MYSM1: variants seen among roughly 807,000 people sequenced by gnomAD.
MYSM1 encodes Myb like, SWIRM and MPN domains 1, also known as deubiquitinase MYSM1.
Under a neutral mutation model 116.0 loss-of-function variants are expected in MYSM1, and 51 were observed. The ratio of observed to expected loss-of-function variants is 0.44; its 90% CI spans 0.35 to 0.56. The LOEUF (loss-of-function observed/expected upper bound fraction) is 0.56. Among genes scored for constraint, MYSM1 ranks in the 20% least tolerant of loss-of-function variants. The pLI is 0.00. For synonymous variants in MYSM1, 313 were observed against 315.2 expected, an observed-to-expected ratio of 0.99 and a Z score of 0.07; for missense variants, 900 against 974.9, an observed-to-expected ratio of 0.92 and a Z score of 1.02.
intron 9 of MYSM1, among the ~76,000 whole-genome samples, chr1:58,676,317 G>A (rs772602580): frequency 2.0e-5 from 3 of 150,802 alleles, no homozygotes; most frequent in Non-Finnish European, 4.4e-5. Flanking sequence ...TCTGGAGACC[G>A]AAGCAAAAGA....
Position 58,669,013 on chromosome 1 carries a change from G to T in MYSM1, c.1687C>A (p.Pro563Thr), listed in dbSNP as rs759424002. Residue 563 changes from proline (P) to threonine (T), a missense_variant, in exon 13 of 20, where the codon CCT becomes ACT. Physicochemically the swap from Pro to Thr is conservative, Grantham distance 38. Coordinates refer to ENST00000472487, the MANE Select transcript of MYSM1 (RefSeq NM_001085487.3). ...KSSFDPFQLIPCNFFSEEKQE... is the reference protein window; with the variant it reads ...KSSFDPFQLITCNFFSEEKQE... ...TTTTCTTCACTAAAAAAATTACAAG[G>T]TATCAGTTGGAAGGGATCAAACGAG... 5.6e-6 allele frequency: 9 copies of T among 1,601,946 alleles called. No individual in the cohort carries two copies. In the East Asian group the frequency reaches 1.8e-4, roughly 32 times the overall value.
At chr1:58,698,102 A>ATATATATATATTTTTTT in intron 1 of MYSM1, among the ~76,000 whole-genome samples, 2 of 7,770 alleles carry the variant, frequency 2.6e-4, no homozygotes, top group Non-Finnish European at 3.6e-4. Context: ...ATATATATAT[A>ATATATATATATTTTTTT]TTTTTTTTTT....
chr1:58,678,183 G>A (rs1218501400), intron 8 of MYSM1, among the ~76,000 whole-genome samples: 1 of 152,160 alleles, frequency 6.6e-6, no homozygotes, highest in East Asian at 1.9e-4. Flanking sequence ...GATAGATAGG[G>A]TGCTTAGGCT....
At chr1:58,660,208 G>T in intron 19 of MYSM1, 53 bp from the exon 20 acceptor site, 1 of 1,195,688 alleles carries the variant, frequency 8.4e-7, no homozygotes. Context: ...ATGAGGGTTT[G>T]CATTACTATC....
At chr1:58,669,606 C>T (rs1644525383) in intron 12 of MYSM1, among the ~76,000 whole-genome samples, 1 of 151,702 alleles carries the variant, frequency 6.6e-6, no homozygotes, top group Admixed American at 6.6e-5. Flanking sequence ...GTGGGCAGAC[C>T]CCTTGAGCCT....
chr1:58,662,166 T>C (rs1034973698), intron 17 of MYSM1, among the ~76,000 whole-genome samples: 3 of 151,994 alleles, frequency 2.0e-5, no homozygotes, highest in Admixed American at 6.6e-5. Context: ...AGGCAGCAAC[T>C]GCTTTGAGTC....
In MYSM1 at chr1:58,667,934, C is replaced by A; in HGVS notation, c.1768-13G>T. The A allele has an allele frequency of 6.2e-7, 1 of 1,602,446 alleles. No individual in the cohort carries two copies. The highest frequency in any genetic ancestry group is 8.6e-7 in the Non-Finnish European group (1 of 1,169,508). On this transcript the variant is annotated splice_polypyrimidine_tract_variant and intron_variant, in intron 14 of 19. Transcript: ENST00000472487. Reference sequence around the variant, plus strand: ...AAACATGAGCATGCTAAAAGAAATACAAGACAGACTTAGCCCAAACGCACA... The same window carrying A: ...AAACATGAGCATGCTAAAAGAAATAAAAGACAGACTTAGCCCAAACGCACA...
chr1:58,699,623 C>G, intron 1 of MYSM1: 1 of 985,214 alleles, frequency 1.0e-6, no homozygotes, highest in Non-Finnish European at 1.2e-6. Context: ...AGTCCCTGAC[C>G]TCAGGTCTCG....
intron 6 of MYSM1, 82 bp from the exon 7 acceptor site, chr1:58,685,333 A>C (rs1030226431): frequency 5.0e-6 from 4 of 802,142 alleles, no homozygotes; most frequent in Non-Finnish European, 7.8e-6. Flanking sequence ...ATTAAAAAAA[A>C]AAAAACTTAA....
At chr1:58,696,920 A>C (rs1158535997) in intron 1 of MYSM1, among the ~76,000 whole-genome samples, 2 of 152,218 alleles carry the variant, frequency 1.3e-5, no homozygotes, top group Non-Finnish European at 2.9e-5. Context: ...CCAACTGGGG[A>C]GTGAAGAGAA....
intron 16 of MYSM1, among the ~76,000 whole-genome samples, chr1:58,666,807 G>C (rs1453309752): frequency 6.6e-6 from 1 of 151,258 alleles, no homozygotes; most frequent in Non-Finnish European, 1.5e-5. Context: ...CTAAGAGGCA[G>C]AGGTTGCAGT....
Position 58,682,041 on chromosome 1 carries a change from C to T in MYSM1, c.1003G>A (p.Ala335Thr). The T allele has an allele frequency of 6.2e-7, 1 of 1,614,166 alleles. No individual in the cohort carries two copies. The highest frequency in any genetic ancestry group is 1.7e-5 in the Admixed American group (1 of 60,030). ...KHDGRGIIVDARQLPSPEPCE... is the reference protein window; with the variant it reads ...KHDGRGIIVDTRQLPSPEPCE... ...GGCTCTGGAGAAGGCAACTGCCTGG[C>T]ATCAACTATTATTCCCCTTCCATCA... is the stretch of plus-strand genomic sequence containing the variant. Residue 335 changes from alanine (A) to threonine (T), a missense_variant, in exon 8 of 20, where the codon GCC becomes ACC. Around this residue, in one of 3 missense-constraint regions of MYSM1, gnomAD observed 622 missense variants for 623.7 expected, o/e 1.00. Transcript: ENST00000472487.
intron 3 of MYSM1, 28 bp downstream of exon 3, chr1:58,692,833 T>C: frequency 6.4e-7 from 1 of 1,570,324 alleles, no homozygotes; most frequent in East Asian, 2.3e-5. Context: ...CTGAAACCTG[T>C]ACTTTCCTCA....
At chr1:58,673,847 T>C (rs576959334) in intron 10 of MYSM1, among the ~76,000 whole-genome samples, 197 bp from the exon 11 acceptor site, 1 of 152,286 alleles carries the variant, frequency 6.6e-6, no homozygotes, top group South Asian at 2.1e-4. Context: ...ACAAATATAA[T>C]AAATCAGTGA....
rs12402204 is a variant in MYSM1, at chr1:58,700,036, G to C, written c.17C>G (p.Ala6Gly). 4 of 1,613,588 alleles carry C rather than the reference G, an allele frequency of 2.5e-6. No homozygotes were observed. The highest frequency in any genetic ancestry group is 2.7e-5 in the African/African-American group (2 of 75,042). ...CACGTCCCCTTCGATATCCACATCC[G>C]CCTCTTCAGCCGCCATGATGGGACC... MAAEE[A>G]DVDIEGDVVA... Residue 6 changes from alanine (A) to glycine (G), a missense_variant, in exon 1 of 20, where the codon GCG becomes GGG. Physicochemically the swap from Ala to Gly is moderately conservative, Grantham distance 60. Around this residue, in one of 3 missense-constraint regions of MYSM1, gnomAD observed 622 missense variants for 623.7 expected, o/e 1.00. Transcript: ENST00000472487.
At chr1:58,698,104 T>TATATA (rs1557530217) in intron 1 of MYSM1, among the ~76,000 whole-genome samples, 2 of 11,334 alleles carry the variant, frequency 1.8e-4, no homozygotes, top group African/African-American at 5.8e-4. Context: ...ATATATATAT[T>TATATA]TTTTTTTTTT....
intron 8 of MYSM1, among the ~76,000 whole-genome samples, chr1:58,681,112 G>A (rs967631800): frequency 2.6e-5 from 4 of 152,190 alleles, no homozygotes; most frequent in Non-Finnish European, 5.9e-5. Context: ...TTACAGGCAT[G>A]AGCCACTGTG....
intron 1 of MYSM1, among the ~76,000 whole-genome samples, chr1:58,698,102 A>ATATATATATATATATATATTTTTTTTT: frequency 2.6e-4 from 2 of 7,768 alleles, no homozygotes; most frequent in Non-Finnish European, 3.6e-4. Context: ...ATATATATAT[A>ATATATATATATATATATATTTTTTTTT]TTTTTTTTTT....
intron 1 of MYSM1, among the ~76,000 whole-genome samples, chr1:58,697,180 T>C (rs1207186073): frequency 6.6e-6 from 1 of 152,172 alleles, no homozygotes; most frequent in Non-Finnish European, 1.5e-5. Flanking sequence ...TAAGGAATGA[T>C]GAAGTTTAGG....
Sources: allele counts gnomAD v4.1 joint callset (sites outside exome capture counted in the v4.1 genomes callset), GRCh38; gene constraint gnomAD v4.1.1; regional missense constraint gnomAD v4.1.1; transcripts MANE v1.5; gene names NCBI Gene and HGNC (gene_info 2026-07-23, HGNC 2026-07-21).